ILDR1: variants seen among roughly 807,000 people sequenced by gnomAD.
The protein encoded by ILDR1 is immunoglobulin-like domain-containing receptor 1.
Under a neutral mutation model 62.4 loss-of-function variants are expected in ILDR1, and 56 were observed. The observed-to-expected ratio is 0.90, with a 90% CI of 0.72 to 1.12. ILDR1 has a LOEUF of 1.12. Among genes scored for constraint, ILDR1 ranks in the 50% most tolerant of loss-of-function variants. The pLI is 0.00. For missense variants in ILDR1, 736 were observed against 710.6 expected (o/e 1.04, Z -0.41); for synonymous variants, 284 against 277.8 (o/e 1.02, Z -0.22).
chr3:122,014,627 T>C (rs950168037), intron 1 of ILDR1, among the ~76,000 whole-genome samples: 2 of 152,234 alleles, frequency 1.3e-5, no homozygotes, highest in Admixed American at 6.5e-5. Context: ...AGAATATATA[T>C]CTCAAAGTGA....
At chr3:122,060,750 A>G in the ILDR1 span, among the ~76,000 whole-genome samples, 1 of 152,182 alleles carries the variant, frequency 6.6e-6, no homozygotes, top group Non-Finnish European at 1.5e-5. Context: ...GTCATTTTAC[A>G]TGTTGGATTT....
At chr3:122,057,476 C>T in the ILDR1 span, among the ~76,000 whole-genome samples, 6 of 152,142 alleles carry the variant, frequency 3.9e-5, no homozygotes, top group Non-Finnish European at 8.8e-5. Flanking sequence ...GCAGAACGAA[C>T]AGTGCTATCA....
In ILDR1 at chr3:122,022,071, A is replaced by T; in HGVS notation, c.7T>A (p.Trp3Arg). 6.2e-7 allele frequency: 1 copy of T among 1,608,696 alleles called. No individual in the cohort carries two copies. The highest frequency in any genetic ancestry group is 8.5e-7 in the Non-Finnish European group (1 of 1,177,536). Reference protein sequence around the residue: MAWPKLPAPWLLL... With the variant: MARPKLPAPWLLL... Reference sequence around the variant, plus strand: ...AGCCAAGGTGCGGGCAGTTTGGGCCATGCCATGCCGCCCCCTTTCTGGCCC... The same window carrying T: ...AGCCAAGGTGCGGGCAGTTTGGGCCTTGCCATGCCGCCCCCTTTCTGGCCC... Residue 3 changes from tryptophan to arginine, a missense_variant, in exon 1 of 8, where the codon TGG (tryptophan) becomes AGG (arginine). Physicochemically the swap from Trp to Arg is moderately radical, Grantham distance 101. Transcript: ENST00000344209.
chr3:122,029,607 G>A, the ILDR1 span, among the ~76,000 whole-genome samples: 3 of 151,226 alleles, frequency 2.0e-5, no homozygotes, highest in African/African-American at 4.9e-5. Flanking sequence ...ATGGATTAGC[G>A]GGTGCTTTAG....
the ILDR1 span, among the ~76,000 whole-genome samples, chr3:122,053,069 C>T: frequency 6.6e-6 from 1 of 152,162 alleles, no homozygotes. Context: ...TCTTAGCCAG[C>T]TTCTGGATTT....
chr3:121,999,611 C>T (rs565654108), intron 5 of ILDR1, among the ~76,000 whole-genome samples: 1 of 152,302 alleles, frequency 6.6e-6, no homozygotes, highest in Admixed American at 6.5e-5. Flanking sequence ...CAAAGTGTGG[C>T]TCCTCTACCA....
the ILDR1 span, among the ~76,000 whole-genome samples, chr3:122,059,497 C>T: frequency 2.7e-5 from 4 of 147,676 alleles, no homozygotes; most frequent in African/African-American, 2.5e-5. Flanking sequence ...GATAGCACCA[C>T]GGCACTCCAG....
At chr3:122,045,424 T>A in the ILDR1 span, among the ~76,000 whole-genome samples, 1 of 152,136 alleles carries the variant, frequency 6.6e-6, no homozygotes, top group South Asian at 2.1e-4. Context: ...TCTGTAGATG[T>A]CTATTAGGTC....
chr3:122,003,890 G>C (rs1230508426), intron 3 of ILDR1, among the ~76,000 whole-genome samples: 1 of 152,136 alleles, frequency 6.6e-6, no homozygotes, highest in Admixed American at 6.5e-5. Flanking sequence ...TTTGAGGTCA[G>C]ATAAGAACAA....
intron 1 of ILDR1, among the ~76,000 whole-genome samples, chr3:122,011,239 C>A (rs192359950): frequency 8.5e-5 from 13 of 152,120 alleles, no homozygotes; most frequent in Admixed American, 8.5e-4. Context: ...ATAGAGGTAG[C>A]GCATTTGGGA....
At chr3:122,015,752 C>T (rs139080818) in intron 1 of ILDR1, among the ~76,000 whole-genome samples, 82 of 152,306 alleles carry the variant, frequency 5.4e-4, no homozygotes, top group African/African-American at 1.7e-3. Context: ...AGCATGAGAA[C>T]GGACTAATAC....
the ILDR1 span, among the ~76,000 whole-genome samples, chr3:122,036,562 C>G: frequency 6.7e-6 from 1 of 148,534 alleles, no homozygotes; most frequent in Non-Finnish European, 1.5e-5. Context: ...GCACTCCAGT[C>G]TGGGTGACAG....
chr3:122,005,510 A>G (rs1344895131), intron 2 of ILDR1, 117 bp from the exon 3 acceptor site: 2 of 1,078,264 alleles, frequency 1.9e-6, no homozygotes, highest in African/African-American at 1.5e-5. Flanking sequence ...TCCCAAGACT[A>G]TTCATCCCTT....
the ILDR1 span, among the ~76,000 whole-genome samples, chr3:122,047,772 T>C: frequency 6.6e-6 from 1 of 152,392 alleles, no homozygotes; most frequent in African/African-American, 2.4e-5. Flanking sequence ...CTGCTTCGGC[T>C]TGCGCACAGT....
chr3:122,060,387 T>TA, the ILDR1 span, among the ~76,000 whole-genome samples: 1 of 152,056 alleles, frequency 6.6e-6, no homozygotes, highest in African/African-American at 2.4e-5. Flanking sequence ...AGTCTGGTGA[T>TA]AAAATGAGAC....
chr3:122,020,946 G>A (rs948008085), intron 1 of ILDR1, among the ~76,000 whole-genome samples: 5 of 152,062 alleles, frequency 3.3e-5, no homozygotes, highest in Non-Finnish European at 5.9e-5. Context: ...TCAGCATTAC[G>A]CTTAAGTTAT....
intron 5 of ILDR1, 81 bp downstream of exon 5, chr3:122,001,227 T>C (rs1576722044): frequency 6.7e-7 from 1 of 1,495,950 alleles, no homozygotes. Flanking sequence ...GAAGAATCTT[T>C]GACCTGGCAC....
At chr3:122,000,872 G>A (rs2071512828) in intron 5 of ILDR1, among the ~76,000 whole-genome samples, 1 of 152,194 alleles carries the variant, frequency 6.6e-6, no homozygotes, top group Admixed American at 6.5e-5. Context: ...ACACACACTT[G>A]GTGTCAGAAG....
intron 1 of ILDR1, among the ~76,000 whole-genome samples, chr3:122,010,401 G>A (rs2071686281): frequency 6.6e-6 from 1 of 151,902 alleles, no homozygotes; most frequent in Admixed American, 6.6e-5. Context: ...CCACTCAGCT[G>A]TAAATGAAAA....
Sources: allele counts gnomAD v4.1 joint callset (sites outside exome capture counted in the v4.1 genomes callset), GRCh38; gene constraint gnomAD v4.1.1; transcripts MANE v1.5; gene names NCBI Gene and HGNC (gene_info 2026-07-23, HGNC 2026-07-21).